Variants in TMEM132D observed in about 807,000 individuals in gnomAD.
TMEM132D encodes mature OL transmembrane protein.
Under a neutral mutation model 62.3 loss-of-function variants are expected in TMEM132D, and 21 were observed. That is an observed-to-expected ratio of 0.34 (90% CI 0.24 to 0.49). The LOEUF (loss-of-function observed/expected upper bound fraction) is 0.49. Ranked by LOEUF, TMEM132D falls within the 20% of genes least tolerant of loss-of-function variation. The probability of loss-of-function intolerance (pLI) is 0.99; values close to 1 mark genes in which losing one functional copy is unlikely to be tolerated. For synonymous variants in TMEM132D, 621 were observed against 575.6 expected (o/e 1.08, Z -1.13); for missense variants, 1,346 against 1,402.8 (o/e 0.96, Z 0.65).
chr12:129,238,814 C>A (rs1439807686), intron 4 of TMEM132D, among the ~76,000 whole-genome samples: 1 of 152,122 alleles, frequency 6.6e-6, no homozygotes, highest in Non-Finnish European at 1.5e-5. Context: ...CCTTTGTGAC[C>A]TTGCTGTCAA....
At chr12:129,647,172 G>A (rs1386547234) in intron 2 of TMEM132D, among the ~76,000 whole-genome samples, 8 of 142,338 alleles carry the variant, frequency 5.6e-5, no homozygotes, top group Non-Finnish European at 1.2e-4. Flanking sequence ...TATTTTGCAT[G>A]TTTTTCAAAT....
chr12:129,792,583 C>A (rs899406398), intron 1 of TMEM132D, among the ~76,000 whole-genome samples: 24 of 152,190 alleles, frequency 1.6e-4, no homozygotes, highest in African/African-American at 5.8e-4. Context: ...GTGCCTCCTA[C>A]AACGGGGCGT....
At chr12:129,547,719 T>G (rs958006045) in intron 2 of TMEM132D, among the ~76,000 whole-genome samples, 2 of 152,216 alleles carry the variant, frequency 1.3e-5, no homozygotes, top group Non-Finnish European at 2.9e-5. Context: ...GAAAGAGCAC[T>G]TCTCATAGTG....
chr12:129,225,732 C>T (rs578139823), intron 4 of TMEM132D, among the ~76,000 whole-genome samples: 12 of 152,228 alleles, frequency 7.9e-5, no homozygotes, highest in South Asian at 4.2e-4. Context: ...GATTCAATTA[C>T]GTTCCTGGCA....
chr12:129,460,027 G>A (rs1254459493), intron 3 of TMEM132D, among the ~76,000 whole-genome samples: 1 of 152,162 alleles, frequency 6.6e-6, no homozygotes, highest in African/African-American at 2.4e-5. Flanking sequence ...TACTATGACT[G>A]CAAGTGTATT....
chr12:129,172,740 A>T (rs958206556), intron 5 of TMEM132D, among the ~76,000 whole-genome samples: 12 of 152,050 alleles, frequency 7.9e-5, no homozygotes, highest in African/African-American at 2.9e-4. Flanking sequence ...CACCACACCC[A>T]GCTAATTTTG....
chr12:129,552,267 A>T (rs79814104), intron 2 of TMEM132D, among the ~76,000 whole-genome samples: 1 of 100,274 alleles, frequency 1.0e-5, no homozygotes, highest in Admixed American at 1.0e-4. Flanking sequence ...TTAAAATCTA[A>T]CATATTGTCT....
At chr12:129,108,156 T>G (rs112397417) in intron 5 of TMEM132D, among the ~76,000 whole-genome samples, 8 of 152,328 alleles carry the variant, frequency 5.3e-5, no homozygotes, top group African/African-American at 1.9e-4. Context: ...GGGACAGTTA[T>G]GTCCCTACTG....
At chr12:129,225,203 A>C (rs1338489200) in intron 4 of TMEM132D, among the ~76,000 whole-genome samples, 1 of 152,200 alleles carries the variant, frequency 6.6e-6, no homozygotes, top group African/African-American at 2.4e-5. Flanking sequence ...CATACATGAA[A>C]GGTGGTTATT....
chr12:129,091,736 C>G (rs1323342088), intron 5 of TMEM132D, among the ~76,000 whole-genome samples: 1 of 152,198 alleles, frequency 6.6e-6, no homozygotes, highest in Admixed American at 6.5e-5. Context: ...GTTCCTGAGC[C>G]TAGGTGAGCT....
intron 3 of TMEM132D, among the ~76,000 whole-genome samples, chr12:129,420,306 G>GTTTTTTTTTTTTTTTTTTTTTTTTTT (rs71082709): frequency 1.8e-5 from 2 of 112,312 alleles, no homozygotes; most frequent in Admixed American, 9.6e-5. Context: ...CACGTTCTCT[G>GTTTTTTTTTTTTTTTTTTTTTTTTTT]TTTTTTTTTT....
intron 1 of TMEM132D, among the ~76,000 whole-genome samples, chr12:129,828,770 GGGAGGAAGAAAA>G (rs1419346720): frequency 3.7e-4 from 41 of 112,094 alleles, no homozygotes; most frequent in Non-Finnish European, 6.0e-4. Flanking sequence ...GAGGGAGGGA[GGGAGGAAGAAAA>G]GGAGGGAGGG....
chr12:129,424,030 G>A (rs888060024), intron 3 of TMEM132D, among the ~76,000 whole-genome samples: 1 of 152,114 alleles, frequency 6.6e-6, no homozygotes, highest in African/African-American at 2.4e-5. Context: ...GTTCAGCAAA[G>A]AAGCCTTTAT....
chr12:129,128,136 C>T (rs1350291457), intron 5 of TMEM132D, among the ~76,000 whole-genome samples: 3 of 152,160 alleles, frequency 2.0e-5, no homozygotes, highest in Non-Finnish European at 4.4e-5. Context: ...GTAGAGAGTT[C>T]ACAACTCTAG....
At chr12:129,359,438 T>C (rs1870177434) in intron 3 of TMEM132D, among the ~76,000 whole-genome samples, 1 of 152,216 alleles carries the variant, frequency 6.6e-6, no homozygotes, top group Non-Finnish European at 1.5e-5. Context: ...TCAAGTCACA[T>C]TGAGCGTTGT....
chr12:129,623,302 CT>C (rs991684709), intron 2 of TMEM132D, among the ~76,000 whole-genome samples: 1 of 152,042 alleles, frequency 6.6e-6, no homozygotes, highest in African/African-American at 2.4e-5. Context: ...ATTTCAATAG[CT>C]TTAGGGGTAC....
At chr12:129,556,038 C>T (rs1402571524) in intron 2 of TMEM132D, among the ~76,000 whole-genome samples, 4 of 152,138 alleles carry the variant, frequency 2.6e-5, no homozygotes, top group South Asian at 2.1e-4. Flanking sequence ...CATGAAAATG[C>T]CAGTTTTCTG....
At chr12:129,603,793 A>G (rs911690593) in intron 2 of TMEM132D, among the ~76,000 whole-genome samples, 4 of 152,198 alleles carry the variant, frequency 2.6e-5, no homozygotes, top group African/African-American at 9.7e-5. Flanking sequence ...CAGAAATACC[A>G]TTTGACCCAG....
chr12:129,365,358 C>T (rs1214827514), intron 3 of TMEM132D, among the ~76,000 whole-genome samples: 5 of 152,072 alleles, frequency 3.3e-5, no homozygotes, highest in Admixed American at 2.0e-4. Flanking sequence ...TCTTAGGTGC[C>T]TAATCTTTCC....
Sources: allele counts gnomAD v4.1 joint callset (sites outside exome capture counted in the v4.1 genomes callset), GRCh38; gene constraint gnomAD v4.1.1; transcripts MANE v1.5; gene names NCBI Gene and HGNC (gene_info 2026-07-23, HGNC 2026-07-21).